The following PCDHGA11 variants were observed in gnomAD, a reference collection of about 807,000 sequenced individuals.
The protein encoded by PCDHGA11 is protocadherin gamma-A11.
PCDHGA11 carries 39 observed loss-of-function variants against 60.4 expected under a neutral mutation model. The ratio of observed to expected loss-of-function variants is 0.65; its 90% CI spans 0.50 to 0.84. The LOEUF is 0.84. PCDHGA11 is among the 40% of genes least tolerant of loss of function. The probability of loss-of-function intolerance (pLI) is 0.00; values close to 1 mark genes in which losing one functional copy is unlikely to be tolerated. For synonymous variants in PCDHGA11, 533 were observed against 510.3 expected, an observed-to-expected ratio of 1.04 and a Z score of -0.60; for missense variants, 1,165 against 1,197.7, an observed-to-expected ratio of 0.97 and a Z score of 0.40.
At chr5:141,433,246 T>C (rs775015156) in intron 1 of PCDHGA11, 1 of 1,462,358 alleles carries the variant, frequency 6.8e-7, no homozygotes, top group Non-Finnish European at 9.3e-7. Flanking sequence ...CAAGCTGGAA[T>C]GCAGCGGTAC....
rs1289898516 is a variant in PCDHGA11 at position 141,487,019 on chromosome 5, C to G, written c.2434-7788C>G. ...CTATCAGCTCCTGGAGGCCCCAGAT[C>G]CCAGCCTGTTTGCAGTCTCTCGATA... On this transcript the variant is annotated intron_variant, in intron 1 of 3. Transcript: ENST00000398587. The surrounding 1 kb of genome is among the most constrained non-coding windows in gnomAD (Gnocchi z 5.0). 1 of 1,614,204 alleles carries G rather than the reference C, an allele frequency of 6.2e-7. No homozygotes were observed. The highest frequency in any genetic ancestry group is 8.5e-7 in the Non-Finnish European group (1 of 1,180,042).
At position 141,421,448 on chromosome 5, in the gene PCDHGA11, A is replaced by G. The variant is rs772957069; in HGVS notation, c.221A>G (p.Gln74Arg). The change falls in exon 1 of 4, where the codon CAG (glutamine) becomes CGG (arginine). Residue 74 changes from glutamine (Q) to arginine (R), a missense_variant. Gln to Arg is a conservative substitution (Grantham distance 43). Coordinates refer to ENST00000398587, the MANE Select transcript of PCDHGA11 (RefSeq NM_018914.3). ...CGCATCGTCTCCAGAGGGAAGACAC[A>G]GCTTTTCGCTGTGAATCCGCGAAGC... ...GVRIVSRGKT[Q>R]LFAVNPRSGS... The G allele has an allele frequency of 7.8e-5, 126 of 1,614,014 alleles. No individual in the cohort carries two copies. The highest frequency in any genetic ancestry group is 1.0e-4 in the Non-Finnish European group (119 of 1,179,944).
intron 1 of PCDHGA11, among the ~76,000 whole-genome samples, chr5:141,460,653 GT>G (rs2098994590): frequency 6.6e-6 from 1 of 151,844 alleles, no homozygotes; most frequent in Admixed American, 6.6e-5. Context: ...TTACACATAT[GT>G]AACTGTAAAC....
At position 141,432,463 on chromosome 5, in the gene PCDHGA11, C is replaced by T; in HGVS notation, c.2433+8803C>T. ...CCGAGATCCTGTACCCCGCCCTCCC[C>T]ACGGACGGTTCCACTGGCGTGGAGC... On this transcript the variant is annotated intron_variant, in intron 1 of 3. Transcript: ENST00000398587. The surrounding 1 kb of genome is among the most constrained non-coding windows in gnomAD (Gnocchi z 6.0). 6.2e-7 allele frequency: 1 copy of T among 1,614,238 alleles called. No individual in the cohort carries two copies. The highest frequency in any genetic ancestry group is 1.1e-5 in the South Asian group (1 of 91,084).
intron 1 of PCDHGA11, among the ~76,000 whole-genome samples, chr5:141,459,971 A>G (rs1458539493): frequency 2.6e-5 from 4 of 152,208 alleles, no homozygotes; most frequent in Non-Finnish European, 5.9e-5. Flanking sequence ...CCAGCTACTC[A>G]GGAGGCTGAG....
chr5:141,443,172 C>T (rs1454734622), intron 1 of PCDHGA11, among the ~76,000 whole-genome samples: 1 of 152,176 alleles, frequency 6.6e-6, no homozygotes, highest in Non-Finnish European at 1.5e-5. Flanking sequence ...CTACCCATGT[C>T]CACTGCATCA....
Position 141,431,625 on chromosome 5 carries a change from C to T in PCDHGA11, c.2433+7965C>T. The T allele has an allele frequency of 6.2e-7, 1 of 1,614,224 alleles. No individual in the cohort carries two copies. Among genetic ancestry groups the T allele is most frequent in the South Asian group, 1.1e-5 (1 of 91,082 alleles). On this transcript the variant is annotated intron_variant, in intron 1 of 3. Transcript: ENST00000398587. This position sits in a 1 kb window ranked among gnomAD's most constrained non-coding sequence, Gnocchi z 4.8. Reference sequence around the variant, plus strand: ...TTCCGGTATGTGGACGACAAGGCGGCCCAAGTTTTCAAACTAGATTGTAAT... The same window carrying T: ...TTCCGGTATGTGGACGACAAGGCGGTCCAAGTTTTCAAACTAGATTGTAAT...
At chr5:141,438,914 C>T (rs1249997741) in intron 1 of PCDHGA11, among the ~76,000 whole-genome samples, 1 of 151,906 alleles carries the variant, frequency 6.6e-6, no homozygotes, top group Non-Finnish European at 1.5e-5. Flanking sequence ...GATCCACCTG[C>T]CTTGGCCTCC....
rs2099521625 is a variant in PCDHGA11, at chr5:141,480,568, G to A, written c.2434-14239G>A. 2.0e-5 allele frequency among the ~76,000 whole-genome samples: 3 copies of A among 152,338 alleles called. No individual in the cohort carries two copies. The South Asian group carries it at 6.2e-4, about 32-fold the overall frequency. Reference sequence around the variant, plus strand: ...AAAGGCTAAGAAAGCATGAAAGCCAGCAAGAAATAACTGCCGCTCTTCTGG... The same window carrying A: ...AAAGGCTAAGAAAGCATGAAAGCCAACAAGAAATAACTGCCGCTCTTCTGG... On this transcript the variant is annotated intron_variant, in intron 1 of 3. Coordinates refer to ENST00000398587, the MANE Select transcript of PCDHGA11 (RefSeq NM_018914.3).
At chr5:141,480,059 T>G (rs1169389701) in intron 1 of PCDHGA11, among the ~76,000 whole-genome samples, 1 of 152,096 alleles carries the variant, frequency 6.6e-6, no homozygotes, top group African/African-American at 2.4e-5. Context: ...GAATAATAAG[T>G]GTTTTATAAG....
At chr5:141,430,986 C>G (rs549700048) in intron 1 of PCDHGA11, 1 of 1,613,762 alleles carries the variant, frequency 6.2e-7, no homozygotes, top group African/African-American at 1.3e-5. Context: ...CAGCTTTTCG[C>G]CCTGAATCCG....
chr5:141,434,802 G>A (rs1009500775), intron 1 of PCDHGA11, among the ~76,000 whole-genome samples: 10 of 151,488 alleles, frequency 6.6e-5, no homozygotes, highest in African/African-American at 2.4e-4. Flanking sequence ...TTCTGAGCTT[G>A]GAGAAATATA....
At position 141,489,870 on chromosome 5, in the gene PCDHGA11, G is replaced by T; in HGVS notation, c.2434-4937G>T. On this transcript the variant is annotated intron_variant, in intron 1 of 3. Transcript: ENST00000398587. The surrounding 1 kb of genome is among the most constrained non-coding windows in gnomAD (Gnocchi z 4.5). ...GTGAAGCCCAGGCAAGACATCAGCT[G>T]GTGCTTACTGCTGTGGATGGGGGGA... 1.2e-6 allele frequency: 2 copies of T among 1,614,220 alleles called. No individual in the cohort carries two copies. The highest frequency in any genetic ancestry group is 1.7e-6 in the Non-Finnish European group (2 of 1,180,024).
In PCDHGA11 at chr5:141,422,463, C is replaced by T; in HGVS notation, c.1236C>T (p.Asp412=). 1 of 1,613,472 alleles carries T rather than the reference C, an allele frequency of 6.2e-7. No individual in the cohort carries two copies. Among genetic ancestry groups the T allele is most frequent in the African/African-American group, 1.3e-5 (1 of 75,000 alleles). Residue 412 remains aspartate (D), a synonymous_variant, in exon 1 of 4, where the codon GAC becomes GAT. Coordinates refer to ENST00000398587, the MANE Select transcript of PCDHGA11 (RefSeq NM_018914.3). ...YYKLITSRVL[D]RELVQSYNIT... The stretch of plus-strand genomic sequence containing the variant: ...AATTGATAACAAGCAGAGTGCTGGA[C>T]AGGGAGTTGGTCCAGAGCTACAATA...
In PCDHGA11 at chr5:141,431,777, G is replaced by C. The variant is rs151011884; in HGVS notation, c.2433+8117G>C. 1.2e-6 allele frequency: 2 copies of C among 1,614,188 alleles called. No individual in the cohort carries two copies. The highest frequency in any genetic ancestry group is 4.5e-5 in the East Asian group (2 of 44,870). ...CAAAGTCCTGATCACTGTTCTGGAC[G>C]TGAACGACAATGCCCCAGAAGTGGT... On this transcript the variant is annotated intron_variant, in intron 1 of 3. Coordinates refer to ENST00000398587, the MANE Select transcript of PCDHGA11 (RefSeq NM_018914.3). The surrounding 1 kb of genome is among the most constrained non-coding windows in gnomAD (Gnocchi z 4.8).
chr5:141,469,834 T>C (rs1228732202), intron 1 of PCDHGA11, among the ~76,000 whole-genome samples: 4 of 152,068 alleles, frequency 2.6e-5, no homozygotes, highest in African/African-American at 9.7e-5. Context: ...ACATAAAACT[T>C]ATTCTTAAGA....
At chr5:141,465,742 A>G (rs1425097489) in intron 1 of PCDHGA11, among the ~76,000 whole-genome samples, 1 of 151,214 alleles carries the variant, frequency 6.6e-6, no homozygotes, top group Non-Finnish European at 1.5e-5. Flanking sequence ...TGTTTTCAGG[A>G]TCAGACTGGT....
chr5:141,447,514 C>T (rs901543835), intron 1 of PCDHGA11, among the ~76,000 whole-genome samples: 20 of 152,196 alleles, frequency 1.3e-4, no homozygotes, highest in Admixed American at 8.5e-4. Context: ...AGATGCATAA[C>T]AATCATAACA....
Position 141,476,201 on chromosome 5 carries a change from G to C in PCDHGA11, c.2434-18606G>C. ...GCTTCTGCTTGGTGCCTTGAACAAG[G>C]CTTCCACGGTCATTCACTATGAGAT... is the stretch of plus-strand genomic sequence containing the variant. On this transcript the variant is annotated intron_variant, in intron 1 of 3. Coordinates refer to ENST00000398587, the MANE Select transcript of PCDHGA11 (RefSeq NM_018914.3). This position sits in a 1 kb window ranked among gnomAD's most constrained non-coding sequence, Gnocchi z 7.6. 6.2e-7 allele frequency: 1 copy of C among 1,613,986 alleles called. No individual in the cohort carries two copies. The highest frequency in any genetic ancestry group is 8.5e-7 in the Non-Finnish European group (1 of 1,180,028).
Sources: gnomAD v4.1 joint callset for allele counts (sites outside exome capture counted in the v4.1 genomes callset) on GRCh38, gnomAD v4.1.1 for gene constraint, Gnocchi (gnomAD v3.1) non-coding constraint, MANE v1.5 for transcripts, NCBI Gene and HGNC (gene_info 2026-07-23, HGNC 2026-07-21) for gene names.